PTPRM: variants seen among roughly 807,000 people sequenced by gnomAD.
PTPRM encodes protein tyrosine phosphatase receptor type M.
Under a neutral mutation model 186.7 loss-of-function variants are expected in PTPRM, and 47 were observed. That is an observed-to-expected ratio of 0.25 (90% CI 0.20 to 0.32). The LOEUF (loss-of-function observed/expected upper bound fraction) is 0.32, where lower values mean the gene tolerates loss of function less well. PTPRM is among the 10% of genes least tolerant of loss of function. The pLI is 1.00. For missense variants in PTPRM, 1,494 were observed against 1,865.0 expected (o/e 0.80, Z 3.66); for synonymous variants, 668 against 674.9 (o/e 0.99, Z 0.16).
rs1285433319 is a variant in PTPRM, at chr18:7,978,262, A to G, written c.1132+22848A>G. On this transcript the variant is annotated intron_variant, in intron 7 of 32. Coordinates refer to ENST00000580170, the MANE Select transcript of PTPRM (RefSeq NM_001105244.2). ...TGAACCAAGTGAGGTGACTAGTCGT[A>G]TAGAACATACAGATATAAGCTGACA... Among the ~76,000 whole-genome samples, 3 of 152,332 alleles carry G rather than the reference A, an allele frequency of 2.0e-5. No individual in the cohort carries two copies. The South Asian group carries it at 6.2e-4, about 32-fold the overall frequency.
intron 7 of PTPRM, among the ~76,000 whole-genome samples, chr18:8,033,041 A>G (rs993630175): frequency 1.1e-4 from 16 of 152,194 alleles, no homozygotes; most frequent in African/African-American, 2.9e-4. Flanking sequence ...TAAAAGATTG[A>G]TGAATTTGAC....
intron 1 of PTPRM, among the ~76,000 whole-genome samples, chr18:7,772,384 TTTCTTTCTTTCTTTCTTTCTTTCTTTC>T (rs1568108481): frequency 1.4e-5 from 2 of 141,192 alleles, no homozygotes; most frequent in Admixed American, 1.4e-4. Flanking sequence ...TCTTTCTTTC[TTTCTTTCTTTCTTTCTTTCTTTCTTTC>T]TTTTCTTTCT....
At chr18:7,973,241 GT>G in intron 7 of PTPRM, among the ~76,000 whole-genome samples, 1 of 152,124 alleles carries the variant, frequency 6.6e-6, no homozygotes, top group South Asian at 2.1e-4. Context: ...TATAAGTTAA[GT>G]TTACAGTTTT....
At chr18:7,708,026 C>G (rs960280741) in intron 1 of PTPRM, among the ~76,000 whole-genome samples, 4 of 152,198 alleles carry the variant, frequency 2.6e-5, no homozygotes, top group Non-Finnish European at 5.9e-5. Context: ...GAATATGCTA[C>G]TCAAAAGTGT....
chr18:7,746,994 G>A (rs1179221923), intron 1 of PTPRM, among the ~76,000 whole-genome samples: 1 of 152,106 alleles, frequency 6.6e-6, no homozygotes, highest in Non-Finnish European at 1.5e-5. Context: ...TCCCAGGGCT[G>A]TTTCTCACTC....
chr18:7,701,771 C>T (rs986835432), intron 1 of PTPRM, among the ~76,000 whole-genome samples: 1 of 151,998 alleles, frequency 6.6e-6, no homozygotes, highest in Non-Finnish European at 1.5e-5. Context: ...AGGTTTGTTA[C>T]ATAGGTATAC....
intron 7 of PTPRM, among the ~76,000 whole-genome samples, chr18:8,056,858 A>G (rs1481268851): frequency 6.6e-6 from 1 of 151,908 alleles, no homozygotes; most frequent in Admixed American, 6.6e-5. Flanking sequence ...CAGCAGTCTT[A>G]CTTTTAACAT....
chr18:8,044,429 A>G (rs2086889913), intron 7 of PTPRM, among the ~76,000 whole-genome samples: 1 of 152,170 alleles, frequency 6.6e-6, no homozygotes, highest in South Asian at 2.1e-4. Context: ...ATGTGTAAAT[A>G]TGACTCAAGA....
chr18:8,405,435 A>G (rs1201471949), intron 32 of PTPRM, among the ~76,000 whole-genome samples: 1 of 152,186 alleles, frequency 6.6e-6, no homozygotes, highest in Non-Finnish European at 1.5e-5. Flanking sequence ...CCTCCACTCC[A>G]CGCATCAGTT....
chr18:7,911,697 T>G (rs79188181), intron 4 of PTPRM, among the ~76,000 whole-genome samples: 4,036 of 152,294 alleles, frequency 0.027, 71 homozygotes, highest in African/African-American at 0.05. Context: ...GATGGCATCC[T>G]TAACAGCACA....
chr18:8,260,034 G>A (rs139918124), intron 19 of PTPRM, among the ~76,000 whole-genome samples: 5 of 152,186 alleles, frequency 3.3e-5, no homozygotes, highest in Non-Finnish European at 5.9e-5. Context: ...CCTGGGGCTC[G>A]GTCATTTGTA....
chr18:7,699,925 CA>C (rs2039925053), intron 1 of PTPRM, among the ~76,000 whole-genome samples: 1 of 152,134 alleles, frequency 6.6e-6, no homozygotes, highest in Non-Finnish European at 1.5e-5. Flanking sequence ...CTTCCACATT[CA>C]ATTGATCCAG....
chr18:8,140,443 T>TTTTG (rs35892467), intron 13 of PTPRM, among the ~76,000 whole-genome samples: 1 of 143,684 alleles, frequency 7.0e-6, no homozygotes. Flanking sequence ...TTTTGAGTTT[T>TTTTG]TTTGTTTGTT....
intron 2 of PTPRM, among the ~76,000 whole-genome samples, chr18:7,812,419 C>T (rs2044573896): frequency 6.6e-6 from 1 of 152,190 alleles, no homozygotes; most frequent in Non-Finnish European, 1.5e-5. Context: ...GAGGCAGCCC[C>T]ATTCACATTT....
At chr18:7,766,885 AT>A (rs934026753) in intron 1 of PTPRM, among the ~76,000 whole-genome samples, 7 of 152,042 alleles carry the variant, frequency 4.6e-5, no homozygotes, top group South Asian at 2.1e-4. Flanking sequence ...TGCCTTTAGA[AT>A]TTTTTTTTAA....
intron 22 of PTPRM, among the ~76,000 whole-genome samples, chr18:8,325,639 A>G (rs2095371111): frequency 6.6e-6 from 1 of 152,112 alleles, no homozygotes; most frequent in South Asian, 2.1e-4. Context: ...GTATGTATGT[A>G]TCTGAATCAC....
At chr18:8,104,376 A>G (rs561270808) in intron 11 of PTPRM, among the ~76,000 whole-genome samples, 2 of 152,248 alleles carry the variant, frequency 1.3e-5, no homozygotes, top group African/African-American at 2.4e-5. Context: ...CTTAAATGCA[A>G]TACTTTTGTA....
chr18:8,247,964 G>C, intron 16 of PTPRM, 45 bp downstream of exon 16: 1 of 1,490,222 alleles, frequency 6.7e-7, no homozygotes, highest in Non-Finnish European at 9.4e-7. Flanking sequence ...CTCCTCAGCA[G>C]TCAGAATCAC....
intron 2 of PTPRM, among the ~76,000 whole-genome samples, chr18:7,879,204 C>T (rs933155690): frequency 2.0e-5 from 3 of 152,308 alleles, no homozygotes; most frequent in African/African-American, 7.2e-5. Context: ...ACCGGGTTTC[C>T]TCTCTGCAGT....
Sources: gnomAD v4.1 joint callset for allele counts (sites outside exome capture counted in the v4.1 genomes callset) on GRCh38, gnomAD v4.1.1 for gene constraint, MANE v1.5 for transcripts, NCBI Gene and HGNC (gene_info 2026-07-23, HGNC 2026-07-21) for gene names.